The following SORCS2 variants were observed in gnomAD, a reference collection of about 807,000 sequenced individuals.
The protein encoded by SORCS2 is sortilin related VPS10 domain containing receptor 2, also known as VPS10 domain-containing receptor SorCS2.
In SORCS2, 100 loss-of-function variants were observed where a neutral mutation model predicts 141.6. That is an observed-to-expected ratio of 0.71 (90% confidence interval 0.60 to 0.83). SORCS2 has a LOEUF of 0.83. SORCS2 is among the 40% of genes least tolerant of loss of function. The probability of loss-of-function intolerance (pLI) is 0.00; values close to 1 mark genes in which losing one functional copy is unlikely to be tolerated. For missense variants in SORCS2, 1,646 were observed against 1,560.2 expected (o/e 1.05, Z -0.93); for synonymous variants, 789 against 676.9 (o/e 1.17, Z -2.57).
intron 2 of SORCS2, among the ~76,000 whole-genome samples, chr4:7,443,427 G>T (rs763220319): frequency 1.3e-5 from 2 of 152,150 alleles, no homozygotes; most frequent in Non-Finnish European, 2.9e-5. Flanking sequence ...GCGCACAGCC[G>T]CGAATGGAGC....
At chr4:7,222,611 A>G (rs1728777276) in intron 1 of SORCS2, among the ~76,000 whole-genome samples, 1 of 152,150 alleles carries the variant, frequency 6.6e-6, no homozygotes, top group African/African-American at 2.4e-5. Flanking sequence ...TGGCATGCGA[A>G]TGAGATTCCA....
In SORCS2 at chr4:7,670,915, A is replaced by C. The variant is rs572696824; in HGVS notation, c.1161+3702A>C. Among the ~76,000 whole-genome samples, 4 of 152,338 alleles carry C rather than the reference A, an allele frequency of 2.6e-5. No individual in the cohort carries two copies. In the East Asian group the frequency reaches 7.7e-4, roughly 29 times the overall value. On this transcript the variant is annotated intron_variant, in intron 8 of 26. Transcript: ENST00000507866. ...TGATAGACATGCAGATACCCAGACA[A>C]GCAGTCATTATTGCAACCACCATGA...
chr4:7,198,155 G>A (rs1472347750), intron 1 of SORCS2, among the ~76,000 whole-genome samples: 1 of 152,184 alleles, frequency 6.6e-6, no homozygotes, highest in Non-Finnish European at 1.5e-5. Context: ...GGGGGCTGAG[G>A]GAGAGGAGAG....
intron 1 of SORCS2, among the ~76,000 whole-genome samples, chr4:7,374,496 C>T (rs1189700559): frequency 6.6e-6 from 1 of 152,122 alleles, no homozygotes; most frequent in African/African-American, 2.4e-5. Context: ...TGGGACGTTC[C>T]CCAGACATTG....
intron 1 of SORCS2, among the ~76,000 whole-genome samples, chr4:7,268,141 C>T (rs1454526654): frequency 6.6e-6 from 1 of 152,194 alleles, no homozygotes; most frequent in African/African-American, 2.4e-5. Context: ...AGTCCATGGC[C>T]TTGGAGGATC....
intron 1 of SORCS2, among the ~76,000 whole-genome samples, chr4:7,252,142 G>A (rs189792524): frequency 6.6e-6 from 1 of 152,358 alleles, no homozygotes; most frequent in African/African-American, 2.4e-5. Flanking sequence ...TCATGTTGCA[G>A]AGCTGAGATA....
intron 1 of SORCS2, among the ~76,000 whole-genome samples, chr4:7,314,819 T>G (rs1202670055): frequency 8.4e-4 from 89 of 106,552 alleles, no homozygotes; most frequent in East Asian, 1.5e-3. Context: ...TTTTTTTTTT[T>G]TTTTTTTTTT....
At chr4:7,622,735 A>G (rs866989526) in intron 3 of SORCS2, among the ~76,000 whole-genome samples, 4 of 152,302 alleles carry the variant, frequency 2.6e-5, no homozygotes, top group Middle Eastern at 6.8e-3. Flanking sequence ...ACAGGAAACC[A>G]GAGCTTCAGG....
At chr4:7,607,524 T>A (rs1255176639) in intron 3 of SORCS2, among the ~76,000 whole-genome samples, 1 of 152,188 alleles carries the variant, frequency 6.6e-6, no homozygotes, top group Non-Finnish European at 1.5e-5. Context: ...GTTACAGCGA[T>A]GGCCCATCTC....
chr4:7,637,431 C>A (rs1720335359), intron 3 of SORCS2, among the ~76,000 whole-genome samples: 1 of 152,222 alleles, frequency 6.6e-6, no homozygotes, highest in Non-Finnish European at 1.5e-5. Context: ...GAGCAGTTGT[C>A]CCTGAAACAG....
At chr4:7,366,903 A>G (rs1182663638) in intron 1 of SORCS2, among the ~76,000 whole-genome samples, 2 of 152,316 alleles carry the variant, frequency 1.3e-5, no homozygotes, top group South Asian at 2.1e-4. Context: ...TCCTTTGTTC[A>G]TTTATTCTGT....
chr4:7,230,842 A>G (rs1377681995), intron 1 of SORCS2, among the ~76,000 whole-genome samples: 1 of 151,962 alleles, frequency 6.6e-6, no homozygotes, highest in East Asian at 1.9e-4. Flanking sequence ...GTGCTCATGT[A>G]TGAAGGAGAT....
At chr4:7,690,434 GTGGA>G (rs1162253824) in intron 11 of SORCS2, among the ~76,000 whole-genome samples, 11 of 149,758 alleles carry the variant, frequency 7.3e-5, no homozygotes, top group African/African-American at 2.5e-4. Flanking sequence ...GTGTGGGTGG[GTGGA>G]TGGATGGATG....
chr4:7,253,454 A>T (rs1713640709), intron 1 of SORCS2, among the ~76,000 whole-genome samples: 1 of 152,218 alleles, frequency 6.6e-6, no homozygotes. Flanking sequence ...TTCCAGGCCC[A>T]GCGAAGGCAC....
intron 3 of SORCS2, among the ~76,000 whole-genome samples, chr4:7,560,901 G>C (rs1714488154): frequency 6.6e-6 from 1 of 152,178 alleles, no homozygotes; most frequent in African/African-American, 2.4e-5. Context: ...AGCCTTGGGA[G>C]GTAGGGAAAT....
rs537009204 is a variant in SORCS2 at position 7,528,805 on chromosome 4, ACT to A, written c.549-2717_549-2716del. 4.5e-3 allele frequency among the ~76,000 whole-genome samples: 677 copies of A among 150,700 alleles called. 20 individuals carry two copies. Among genetic ancestry groups the A allele is most frequent in the Admixed American group, 0.04 (608 of 15,200 alleles). ...CCATCATAAAGTACCACTGTGGCGA[ACT>A]CTCTCTCGGGGTCCTGGAGGTCAGA... On this transcript the variant is annotated intron_variant, in intron 2 of 26. Coordinates refer to ENST00000507866, the MANE Select transcript of SORCS2 (RefSeq NM_020777.3).
intron 1 of SORCS2, among the ~76,000 whole-genome samples, chr4:7,311,261 T>C (rs1376812430): frequency 6.6e-6 from 1 of 152,230 alleles, no homozygotes; most frequent in East Asian, 1.9e-4. Flanking sequence ...AATCAATTGT[T>C]CGTTCCCTTT....
At chr4:7,270,917 C>T (rs1715081099) in intron 1 of SORCS2, among the ~76,000 whole-genome samples, 1 of 152,268 alleles carries the variant, frequency 6.6e-6, no homozygotes, top group African/African-American at 2.4e-5. Context: ...ACGTTCTCTC[C>T]AGTTCTCGCT....
At chr4:7,595,616 G>A (rs904701876) in intron 3 of SORCS2, among the ~76,000 whole-genome samples, 1 of 151,596 alleles carries the variant, frequency 6.6e-6, no homozygotes, top group African/African-American at 2.4e-5. Flanking sequence ...GGTCCTAGGA[G>A]CTGTGTGCCA....
Sources: gnomAD v4.1 joint callset for allele counts (sites outside exome capture counted in the v4.1 genomes callset) on GRCh38, gnomAD v4.1.1 for gene constraint, MANE v1.5 for transcripts, NCBI Gene and HGNC (gene_info 2026-07-23, HGNC 2026-07-21) for gene names.